ABCC4: variants seen among roughly 807,000 people sequenced by gnomAD.
ABCC4 encodes the protein ATP binding cassette subfamily C member 4 (PEL blood group), also known as ATP-binding cassette sub-family C member 4.
A neutral mutation model predicts 168.5 loss-of-function variants in ABCC4; 102 were observed. The ratio of observed to expected loss-of-function variants is 0.61; its 90% confidence interval spans 0.52 to 0.71. ABCC4 has a LOEUF of 0.71. Ranked by LOEUF, ABCC4 falls within the 30% of genes least tolerant of loss-of-function variation. The pLI, the probability that ABCC4 is intolerant of heterozygous loss-of-function variation, is 0.00. For synonymous variants in ABCC4, 617 were observed against 590.7 expected (o/e 1.04, Z -0.65); for missense variants, 1,402 against 1,605.8 (o/e 0.87, Z 2.17).
chr13:95,209,839 C>G (rs1290620455), intron 5 of ABCC4, among the ~76,000 whole-genome samples: 2 of 152,242 alleles, frequency 1.3e-5, no homozygotes, highest in Non-Finnish European at 2.9e-5. Flanking sequence ...AGAAGAATGT[C>G]TTGATCGTGA....
intron 13 of ABCC4, among the ~76,000 whole-genome samples, chr13:95,171,039 A>G (rs568764617): frequency 8.4e-4 from 128 of 151,800 alleles, no homozygotes; most frequent in African/African-American, 2.9e-3. Context: ...TTTATAATGC[A>G]CATATCAACG....
At chr13:95,131,375 C>T (rs2035955937) in intron 19 of ABCC4, among the ~76,000 whole-genome samples, 1 of 152,188 alleles carries the variant, frequency 6.6e-6, no homozygotes, top group African/African-American at 2.4e-5. Flanking sequence ...CGCCTGTAAT[C>T]CTAACACTTT....
intron 1 of ABCC4, among the ~76,000 whole-genome samples, chr13:95,257,628 A>C (rs763930768): frequency 5.3e-5 from 8 of 150,846 alleles, no homozygotes; most frequent in Admixed American, 2.7e-4. Context: ...ATGCCATTGC[A>C]CTCCTGCCTG....
At chr13:95,025,265 C>CCACA (rs2031406774) in intron 30 of ABCC4, among the ~76,000 whole-genome samples, 4 of 61,432 alleles carry the variant, frequency 6.5e-5, no homozygotes, top group South Asian at 6.1e-4. Flanking sequence ...ACACACACCC[C>CCACA]CACACCCCCA....
chr13:95,209,294 T>C (rs1281941457), intron 6 of ABCC4, 140 bp downstream of exon 6: 16 of 1,026,890 alleles, frequency 1.6e-5, no homozygotes, highest in Non-Finnish European at 2.1e-5. Context: ...AGAGGCCCCC[T>C]TGGCTGAGCC....
At chr13:95,292,895 T>C (rs2041437746) in intron 1 of ABCC4, among the ~76,000 whole-genome samples, 1 of 152,070 alleles carries the variant, frequency 6.6e-6, no homozygotes, top group Non-Finnish European at 1.5e-5. Flanking sequence ...CTGTAAGTAC[T>C]CATGAGTAAG....
chr13:95,224,767 T>C (rs2039408754), intron 4 of ABCC4, among the ~76,000 whole-genome samples: 2 of 151,688 alleles, frequency 1.3e-5, no homozygotes, highest in Middle Eastern at 3.4e-3. Context: ...GAAATGCTAA[T>C]AGATGTTTTA....
Position 95,197,085 on chromosome 13 carries a change from C to T in ABCC4, c.1162-2148G>A, listed in dbSNP as rs145611999. Among the ~76,000 whole-genome samples, 254 of 152,176 alleles carry T rather than the reference C, an allele frequency of 1.7e-3. 1 individual carries two copies. The highest frequency in any genetic ancestry group is 5.6e-3 in the African/African-American group (234 of 41,524). On this transcript the variant is annotated intron_variant, in intron 8 of 30. Transcript: ENST00000645237. ...AGCTCAGGGTGGCTGCAGCTGGGAC[C>T]GAAACTGAGTTATGTACAGGGCAGA...
intron 29 of ABCC4, among the ~76,000 whole-genome samples, chr13:95,037,163 C>A (rs2032160885): frequency 6.6e-6 from 1 of 151,130 alleles, no homozygotes; most frequent in South Asian, 2.1e-4. Context: ...ATTATTATAG[C>A]TGCAGATGAA....
chr13:95,145,322 C>G (rs927463909), intron 19 of ABCC4, among the ~76,000 whole-genome samples: 1 of 151,896 alleles, frequency 6.6e-6, no homozygotes, highest in African/African-American at 2.4e-5. Flanking sequence ...CATTCTACCA[C>G]AAAGACACAC....
At chr13:95,177,657 C>A (rs369958380) in intron 13 of ABCC4, 50 bp downstream of exon 13, 1 of 1,527,308 alleles carries the variant, frequency 6.5e-7, no homozygotes, top group East Asian at 2.3e-5. Context: ...TGAGCCAACT[C>A]GAAATGGCTC....
intron 1 of ABCC4, among the ~76,000 whole-genome samples, chr13:95,275,194 T>C (rs765385475): frequency 4.6e-5 from 7 of 152,204 alleles, no homozygotes; most frequent in Non-Finnish European, 1.0e-4. Context: ...AATTATTTTA[T>C]AGTAAATGGT....
intron 1 of ABCC4, among the ~76,000 whole-genome samples, chr13:95,257,314 T>A (rs1225679457): frequency 1.3e-5 from 2 of 152,106 alleles, no homozygotes; most frequent in Non-Finnish European, 2.9e-5. Flanking sequence ...TTGAATAGGC[T>A]GAAGAGGAAG....
intron 7 of ABCC4, 54 bp from the exon 8 acceptor site, chr13:95,206,835 G>A: frequency 3.2e-6 from 5 of 1,583,530 alleles, no homozygotes; most frequent in Non-Finnish European, 4.3e-6. Flanking sequence ...AGATAAAGTG[G>A]CTCACGCCTG....
chr13:95,071,250 T>C (rs1458850643), intron 25 of ABCC4, among the ~76,000 whole-genome samples: 4 of 151,982 alleles, frequency 2.6e-5, no homozygotes, highest in Non-Finnish European at 5.9e-5. Context: ...GAAAACAGAC[T>C]AATACAGGAC....
chr13:95,222,063 C>T (rs1007194866), intron 4 of ABCC4, among the ~76,000 whole-genome samples: 6 of 152,224 alleles, frequency 3.9e-5, no homozygotes, highest in Admixed American at 3.3e-4. Flanking sequence ...GTTAAGCACA[C>T]AGGTGACATA....
intron 1 of ABCC4, among the ~76,000 whole-genome samples, chr13:95,262,957 G>A (rs573231869): frequency 6.5e-4 from 99 of 152,150 alleles, no homozygotes; most frequent in Non-Finnish European, 1.3e-3. Context: ...TCTTATTCCC[G>A]CTCTTAGAGT....
At chr13:95,256,196 G>A (rs1594389805) in intron 1 of ABCC4, among the ~76,000 whole-genome samples, 1 of 152,138 alleles carries the variant, frequency 6.6e-6, no homozygotes, top group South Asian at 2.1e-4. Flanking sequence ...CAACCCTCTC[G>A]CATAGCTGAG....
At chr13:95,121,486 G>A (rs904905465) in intron 19 of ABCC4, among the ~76,000 whole-genome samples, 4 of 150,262 alleles carry the variant, frequency 2.7e-5, no homozygotes, top group African/African-American at 7.4e-5. Context: ...AGGCTCACTG[G>A]AGCCTTGACC....
Sources: gnomAD v4.1 joint callset for allele counts (sites outside exome capture counted in the v4.1 genomes callset) on GRCh38, gnomAD v4.1.1 for gene constraint, MANE v1.5 for transcripts, NCBI Gene and HGNC (gene_info 2026-07-23, HGNC 2026-07-21) for gene names.